KLRG1: variants seen among roughly 807,000 people sequenced by gnomAD.
The protein encoded by KLRG1 is killer cell lectin-like receptor subfamily G member 1.
Under a neutral mutation model 21.8 loss-of-function variants are expected in KLRG1, and 16 were observed. That is an observed-to-expected ratio of 0.73 (90% CI 0.50 to 1.11). The LOEUF is 1.11. Ranked by LOEUF, KLRG1 falls within the 50% of genes most tolerant of loss-of-function variation. The probability of loss-of-function intolerance (pLI) is 0.00; values close to 1 mark genes in which losing one functional copy is unlikely to be tolerated. For synonymous variants in KLRG1, 69 were observed against 75.9 expected (o/e 0.91, Z 0.47); for missense variants, 173 against 218.3 (o/e 0.79, Z 1.31).
At chr12:9,054,670 T>G in the KLRG1 span, among the ~76,000 whole-genome samples, 1 of 152,318 alleles carries the variant, frequency 6.6e-6, no homozygotes, top group East Asian at 1.9e-4. Flanking sequence ...ACACTAGATC[T>G]TATTCCTTGG....
chr12:9,200,230 C>A, the KLRG1 span: 1 of 521,218 alleles, frequency 1.9e-6, no homozygotes, highest in Non-Finnish European at 3.3e-6. Flanking sequence ...AATAGTAAGT[C>A]GTTAAATAAA....
chr12:9,176,239 T>C, the KLRG1 span, among the ~76,000 whole-genome samples: 9 of 152,192 alleles, frequency 5.9e-5, no homozygotes, highest in Admixed American at 5.2e-4. Flanking sequence ...TTCTCACTTA[T>C]GAGTGGGAGC....
At chr12:9,157,711 C>A in the KLRG1 span, 1 of 1,513,862 alleles carries the variant, frequency 6.6e-7, no homozygotes, top group Non-Finnish European at 9.2e-7. Flanking sequence ...GGGTGGCATT[C>A]CAGACAGCAA....
chr12:9,162,849 T>G, the KLRG1 span, among the ~76,000 whole-genome samples: 1 of 152,250 alleles, frequency 6.6e-6, no homozygotes, highest in Middle Eastern at 3.4e-3. Context: ...TGTGCCATGG[T>G]GGTTTGCTGC....
At chr12:9,068,133 G>T in the KLRG1 span, 1 of 1,592,844 alleles carries the variant, frequency 6.3e-7, no homozygotes, top group Non-Finnish European at 8.6e-7. Context: ...GGTTTGGGGG[G>T]CAAGCTGAAG....
At chr12:9,058,285 T>C in the KLRG1 span, 32 of 152,346 alleles carry the variant, frequency 2.1e-4, no homozygotes, top group Middle Eastern at 3.4e-3. Context: ...ATCTAACTTC[T>C]CTCATACATG....
At chr12:9,048,037 A>G in the KLRG1 span, among the ~76,000 whole-genome samples, 27 of 152,352 alleles carry the variant, frequency 1.8e-4, 1 homozygote, top group East Asian at 5.0e-3. Context: ...TGATATTCAC[A>G]GGATATTTCA....
intron 1 of KLRG1, among the ~76,000 whole-genome samples, chr12:8,956,959 G>T (rs1221542256): frequency 6.6e-6 from 1 of 152,098 alleles, no homozygotes; most frequent in Non-Finnish European, 1.5e-5. Context: ...GGCCAGTACC[G>T]CTAGCCAAGA....
the KLRG1 span, chr12:9,150,563 G>A: frequency 3.3e-6 from 3 of 908,422 alleles, no homozygotes; most frequent in East Asian, 7.5e-5. Context: ...TTGACTAAGT[G>A]GGCTAAGAAG....
the KLRG1 span, among the ~76,000 whole-genome samples, chr12:9,065,571 T>TG: frequency 1.2e-4 from 19 of 152,256 alleles, no homozygotes; most frequent in Middle Eastern, 3.4e-3. Context: ...GGAGGGAGGC[T>TG]GAGAGGGGTC....
the KLRG1 span, chr12:9,165,074 T>A: frequency 6.5e-7 from 1 of 1,537,708 alleles, no homozygotes. Context: ...ACAGAATCAG[T>A]AGCTGACTGA....
the KLRG1 span, among the ~76,000 whole-genome samples, chr12:9,034,587 C>G: frequency 2.0e-5 from 3 of 152,040 alleles, no homozygotes; most frequent in Admixed American, 1.3e-4. Flanking sequence ...CTGGGATTTA[C>G]AGGCATGCGC....
chr12:9,131,398 T>C, the KLRG1 span, among the ~76,000 whole-genome samples: 1 of 152,202 alleles, frequency 6.6e-6, no homozygotes, highest in African/African-American at 2.4e-5. Flanking sequence ...ATATCTCTAT[T>C]AAGAGGTAAT....
chr12:9,195,677 C>G, the KLRG1 span, among the ~76,000 whole-genome samples: 1 of 133,342 alleles, frequency 7.5e-6, no homozygotes, highest in Non-Finnish European at 1.5e-5. Flanking sequence ...CGATCTAGAA[C>G]TCCTGGCCTC....
At chr12:9,074,738 A>C in the KLRG1 span, 3 of 1,613,820 alleles carry the variant, frequency 1.9e-6, no homozygotes, top group Middle Eastern at 1.7e-4. Flanking sequence ...AAAATGCCCC[A>C]CTGGTGCCTT....
the KLRG1 span, among the ~76,000 whole-genome samples, chr12:9,203,563 G>A: frequency 0.099 from 15,000 of 151,912 alleles, 831 homozygotes; most frequent in South Asian, 0.2. Context: ...GGATGGTCTC[G>A]ATCTCCTGAC....
the KLRG1 span, chr12:9,091,556 G>T: frequency 2.1e-6 from 2 of 946,146 alleles, no homozygotes; most frequent in Non-Finnish European, 3.1e-6. Context: ...CAATAATGGA[G>T]AGTATAATCA....
At chr12:9,024,930 G>A in the KLRG1 span, among the ~76,000 whole-genome samples, 1 of 152,160 alleles carries the variant, frequency 6.6e-6, no homozygotes. Flanking sequence ...TAAAGAAGAG[G>A]GAAGAAAACT....
the KLRG1 span, among the ~76,000 whole-genome samples, chr12:9,209,492 C>T: frequency 2.0e-5 from 3 of 152,070 alleles, no homozygotes; most frequent in South Asian, 6.2e-4. Context: ...CTTACATGCA[C>T]CCAACTTTAA....
Sources: gnomAD v4.1 joint callset for allele counts (sites outside exome capture counted in the v4.1 genomes callset) on GRCh38, gnomAD v4.1.1 for gene constraint, MANE v1.5 for transcripts, NCBI Gene and HGNC (gene_info 2026-07-23, HGNC 2026-07-21) for gene names.